The following CNTNAP2 variants were observed in gnomAD, a reference collection of about 807,000 sequenced individuals.
CNTNAP2 encodes contactin associated protein 2.
Under a neutral mutation model 155.2 loss-of-function variants are expected in CNTNAP2, and 98 were observed. The observed-to-expected ratio is 0.63, with a 90% CI of 0.54 to 0.75. The LOEUF (loss-of-function observed/expected upper bound fraction) is 0.75. CNTNAP2 is among the 30% of genes least tolerant of loss of function. The pLI is 0.00. For missense variants in CNTNAP2, 1,727 were observed against 1,688.1 expected (o/e 1.02, Z -0.40); for synonymous variants, 651 against 631.2 (o/e 1.03, Z -0.47).
chr7:147,602,489 ATCT>A, intron 12 of CNTNAP2, among the ~76,000 whole-genome samples: 1 of 81,878 alleles, frequency 1.2e-5, no homozygotes, highest in East Asian at 4.1e-4. Context: ...TTCATCCTAC[ATCT>A]TTTTTTTTTT....
chr7:147,940,137 A>G (rs1253903201), intron 14 of CNTNAP2: 1 of 151,868 alleles, frequency 6.6e-6, no homozygotes, highest in Non-Finnish European at 1.5e-5. Flanking sequence ...TGGCGTCAAT[A>G]TGGTTAATTC....
rs139571429 is a variant in CNTNAP2 at position 147,934,402 on chromosome 7, C to G, written c.2255+30681C>G. Reference sequence around the variant, plus strand: ...GAGAGAGAACTTGTGCAGGGGAACTCCTCCTTTTAATACCATCAAATCTCA... The same window carrying G: ...GAGAGAGAACTTGTGCAGGGGAACTGCTCCTTTTAATACCATCAAATCTCA... On this transcript the variant is annotated intron_variant, in intron 14 of 23. Transcript: ENST00000361727. Among the ~76,000 whole-genome samples the G allele has an allele frequency of 1.8e-4, 27 of 152,178 alleles. No homozygotes were observed. The East Asian group carries it at 3.9e-3, about 22-fold the overall frequency.
chr7:146,952,307 C>A (rs1409663476), intron 3 of CNTNAP2, among the ~76,000 whole-genome samples: 3 of 152,112 alleles, frequency 2.0e-5, no homozygotes, highest in East Asian at 1.9e-4. Flanking sequence ...TTATGACAGA[C>A]CCACAGCCAA....
At chr7:146,343,976 C>T (rs746083516) in intron 1 of CNTNAP2, among the ~76,000 whole-genome samples, 76 of 151,646 alleles carry the variant, frequency 5.0e-4, no homozygotes, top group African/African-American at 1.7e-3. Flanking sequence ...CTGTAGTTTT[C>T]AAAATATCAT....
At chr7:146,460,229 T>C (rs1415196819) in intron 1 of CNTNAP2, among the ~76,000 whole-genome samples, 1 of 152,222 alleles carries the variant, frequency 6.6e-6, no homozygotes, top group Non-Finnish European at 1.5e-5. Flanking sequence ...GTTCAATACA[T>C]TACTTGTTTT....
At chr7:147,376,236 A>G (rs2116923037) in intron 9 of CNTNAP2, among the ~76,000 whole-genome samples, 1 of 152,154 alleles carries the variant, frequency 6.6e-6, no homozygotes, top group South Asian at 2.1e-4. Context: ...CACAGAGGGC[A>G]GTCCCAGTGT....
chr7:148,367,896 T>A (rs1200899085), intron 21 of CNTNAP2, among the ~76,000 whole-genome samples: 1 of 151,942 alleles, frequency 6.6e-6, no homozygotes, highest in Admixed American at 6.6e-5. Context: ...CCCCTCAACA[T>A]GTACAGACAG....
intron 1 of CNTNAP2, among the ~76,000 whole-genome samples, chr7:146,483,295 A>ATATATATT (rs1307305043): frequency 1.6e-5 from 1 of 62,224 alleles, no homozygotes; most frequent in African/African-American, 1.1e-4. Flanking sequence ...ATATATATAT[A>ATATATATT]TATATATATA....
chr7:146,380,708 C>T (rs1352632189), intron 1 of CNTNAP2, among the ~76,000 whole-genome samples: 1 of 141,304 alleles, frequency 7.1e-6, no homozygotes, highest in East Asian at 2.2e-4. Flanking sequence ...TGTATCATTT[C>T]TTACTGTATT....
intron 14 of CNTNAP2, among the ~76,000 whole-genome samples, chr7:147,977,285 C>T (rs1304283698): frequency 6.6e-6 from 1 of 152,174 alleles, no homozygotes; most frequent in Non-Finnish European, 1.5e-5. Context: ...GGGCTCAAAT[C>T]TCGGCTCCAC....
intron 10 of CNTNAP2, among the ~76,000 whole-genome samples, chr7:147,402,954 A>AG (rs1796942414): frequency 9.3e-6 from 1 of 107,686 alleles, no homozygotes; most frequent in Admixed American, 1.1e-4. Flanking sequence ...ATAATCCTGA[A>AG]AAAAAAAAAA....
Position 146,532,355 on chromosome 7 carries a change from G to A in CNTNAP2, c.98-241916G>A, listed in dbSNP as rs143486396. The stretch of plus-strand genomic sequence containing the variant: ...AAAATATGGAAAAGTGTGTTGATGG[G>A]GGATGCTAAAGTTCTCTGCTTATAA... On this transcript the variant is annotated intron_variant, in intron 1 of 23. Transcript: ENST00000361727. Among the ~76,000 whole-genome samples, 663 of 152,210 alleles carry A rather than the reference G, an allele frequency of 4.4e-3. 6 individuals carry two copies. The highest frequency in any genetic ancestry group is 0.015 in the African/African-American group (625 of 41,532).
chr7:147,383,453 C>T (rs1796573080), intron 9 of CNTNAP2, among the ~76,000 whole-genome samples: 2 of 152,140 alleles, frequency 1.3e-5, no homozygotes, highest in Admixed American at 1.3e-4. Flanking sequence ...TTTGTGTCAA[C>T]AAATATTTTT....
At chr7:147,067,929 T>A (rs113220091) in intron 4 of CNTNAP2, among the ~76,000 whole-genome samples, 3 of 152,332 alleles carry the variant, frequency 2.0e-5, no homozygotes, top group African/African-American at 7.2e-5. Context: ...TATTTTACTG[T>A]TTTTGTGGAC....
chr7:147,380,177 TG>T (rs1796512782), intron 9 of CNTNAP2, among the ~76,000 whole-genome samples: 1 of 151,986 alleles, frequency 6.6e-6, no homozygotes, highest in African/African-American at 2.4e-5. Context: ...TATAAACTTT[TG>T]GGGTGCAGTT....
intron 18 of CNTNAP2, among the ~76,000 whole-genome samples, chr7:148,205,241 C>A (rs2116736528): frequency 6.6e-6 from 1 of 152,370 alleles, no homozygotes; most frequent in African/African-American, 2.4e-5. Context: ...GATGAAGCAA[C>A]TTGCTGCCTA....
chr7:146,828,391 C>T (rs896888829), intron 2 of CNTNAP2, among the ~76,000 whole-genome samples: 6 of 151,962 alleles, frequency 3.9e-5, no homozygotes, highest in African/African-American at 1.4e-4. Context: ...TGCATTTTAA[C>T]TTACATTTTA....
chr7:146,838,267 G>A (rs191258438), intron 2 of CNTNAP2, among the ~76,000 whole-genome samples: 1 of 152,104 alleles, frequency 6.6e-6, no homozygotes, highest in Non-Finnish European at 1.5e-5. Flanking sequence ...TATGGATCAC[G>A]TACTGCACTG....
chr7:148,303,329 G>C (rs567767855), intron 21 of CNTNAP2, among the ~76,000 whole-genome samples: 1 of 152,310 alleles, frequency 6.6e-6, no homozygotes, highest in African/African-American at 2.4e-5. Context: ...TAAGCACATA[G>C]AAGGTGCTCA....
Sources: allele counts gnomAD v4.1 joint callset (sites outside exome capture counted in the v4.1 genomes callset), GRCh38; gene constraint gnomAD v4.1.1; transcripts MANE v1.5; gene names NCBI Gene and HGNC (gene_info 2026-07-23, HGNC 2026-07-21).